SNX14: variants seen among roughly 807,000 people sequenced by gnomAD.
The protein encoded by SNX14 is sorting nexin-14.
A neutral mutation model predicts 133.8 loss-of-function variants in SNX14; 93 were observed. That is an observed-to-expected ratio of 0.70 (90% CI 0.59 to 0.83). The LOEUF (loss-of-function observed/expected upper bound fraction) is 0.83, where lower values mean the gene tolerates loss of function less well. Among genes scored for constraint, SNX14 ranks in the 40% least tolerant of loss-of-function variants. The pLI is 0.00. For missense variants in SNX14, 945 were observed against 1,094.9 expected (o/e 0.86, Z 1.93); for synonymous variants, 368 against 365.6 (o/e 1.01, Z -0.07).
intron 1 of SNX14, among the ~76,000 whole-genome samples, chr6:85,586,015 C>T (rs1800727888): frequency 6.7e-6 from 1 of 149,118 alleles, no homozygotes; most frequent in Non-Finnish European, 1.5e-5. Flanking sequence ...AAAACTAAAT[C>T]TAATTGAGCC....
At chr6:85,545,421 T>C (rs1785150504) in intron 12 of SNX14, among the ~76,000 whole-genome samples, 1 of 151,962 alleles carries the variant, frequency 6.6e-6, no homozygotes, top group African/African-American at 2.4e-5. Flanking sequence ...TAGAAATACA[T>C]TAAACATTTC....
chr6:85,593,566 G>C lies in SNX14; in HGVS notation c.140+13C>G. The C allele has an allele frequency of 6.2e-7, 1 of 1,603,810 alleles. No individual in the cohort carries two copies. The highest frequency in any genetic ancestry group is 2.2e-5 in the East Asian group (1 of 44,548). On this transcript the variant is annotated intron_variant, in intron 1 of 28. Coordinates refer to ENST00000314673, the MANE Select transcript of SNX14 (RefSeq NM_153816.6). The stretch of plus-strand genomic sequence containing the variant: ...AGAAAAGCCGCCGCCCAGGCTCCGC[G>C]CTGCGGCGTTACCTGTTAAGAAGCA...
At chr6:85,524,713 G>A (rs980531540) in intron 21 of SNX14, among the ~76,000 whole-genome samples, 3 of 151,684 alleles carry the variant, frequency 2.0e-5, no homozygotes, top group African/African-American at 7.3e-5. Context: ...GAACCTGGGA[G>A]GTGGAGGCTG....
chr6:85,512,784 G>A (rs909491070), intron 26 of SNX14, among the ~76,000 whole-genome samples: 1 of 152,174 alleles, frequency 6.6e-6, no homozygotes, highest in East Asian at 1.9e-4. Context: ...GAGTTCACGG[G>A]TTTCTGCTGC....
At chr6:85,587,681 C>T (rs1169863625) in intron 1 of SNX14, among the ~76,000 whole-genome samples, 3 of 152,036 alleles carry the variant, frequency 2.0e-5, no homozygotes, top group Non-Finnish European at 2.9e-5. Context: ...AGGCTGGTCT[C>T]GAACTTCTGG....
At chr6:85,562,582 CTTTTTTTTTTTTT>C (rs201175458) in intron 6 of SNX14, among the ~76,000 whole-genome samples, 1 of 94,846 alleles carries the variant, frequency 1.1e-5, no homozygotes. Context: ...ACTTTTTGGG[CTTTTTTTTTTTTT>C]TTTTTTTTTG....
intron 6 of SNX14, 98 bp downstream of exon 6, chr6:85,565,234 T>C (rs536157784): frequency 1.5e-6 from 1 of 668,020 alleles, no homozygotes; most frequent in East Asian, 2.8e-5. Flanking sequence ...ACCCCACAAA[T>C]ATGTACATTT....
chr6:85,562,435 A>G (rs1397558384), intron 6 of SNX14, among the ~76,000 whole-genome samples: 1 of 152,188 alleles, frequency 6.6e-6, no homozygotes, highest in African/African-American at 2.4e-5. Context: ...ATTATTCTAC[A>G]AAATGATTGT....
intron 6 of SNX14, among the ~76,000 whole-genome samples, chr6:85,564,280 T>A (rs2128162471): frequency 6.6e-6 from 1 of 152,346 alleles, no homozygotes; most frequent in African/African-American, 2.4e-5. Context: ...CCTTTGGGTA[T>A]ATACCCAGTA....
Position 85,547,585 on chromosome 6 carries a change from TCCACTA to T in SNX14, c.868-41_868-36del, listed in dbSNP as rs750475217. 416 of 1,487,868 alleles carry T rather than the reference TCCACTA, an allele frequency of 2.8e-4. No homozygotes were observed. In the African/African-American group the frequency reaches 5.4e-3, roughly 19 times the overall value. The allele number at this position is 1,487,868 out of a possible 1,614,324, so 92.2% of individuals were successfully genotyped here. On this transcript the variant is annotated intron_variant, in intron 9 of 28. Coordinates refer to ENST00000314673, the MANE Select transcript of SNX14 (RefSeq NM_153816.6). ...AATAATAAACATAAGTCAAAATAAT[TCCACTA>T]CTGTATTCTCCCCAGAATTCTCATA...
At chr6:85,586,445 A>T (rs576800906) in intron 1 of SNX14, among the ~76,000 whole-genome samples, 1 of 152,342 alleles carries the variant, frequency 6.6e-6, no homozygotes, top group Non-Finnish European at 1.5e-5. Context: ...ACTTGTTTAG[A>T]TACCAATTAG....
intron 12 of SNX14, among the ~76,000 whole-genome samples, 187 bp downstream of exon 12, chr6:85,546,925 C>T (rs1411452409): frequency 6.9e-6 from 1 of 145,592 alleles, no homozygotes; most frequent in Non-Finnish European, 1.5e-5. Context: ...CACACCATTG[C>T]ACTCCAGCCT....
rs186347619 is a variant in SNX14 at position 85,572,262 on chromosome 6, T to C, written c.338+36A>G. The C allele has an allele frequency of 2.2e-4, 356 of 1,609,536 alleles. 1 individual carries two copies. In the African/African-American group the frequency reaches 4.2e-3, roughly 19 times the overall value. ...AAATCACTTGAAATCCAAATGTAAT[T>C]AGAAGGATCAACAAATAAAAAAATA... On this transcript the variant is annotated intron_variant, in intron 3 of 28. Coordinates refer to ENST00000314673, the MANE Select transcript of SNX14 (RefSeq NM_153816.6).
chr6:85,574,470 C>T (rs1243183131), intron 1 of SNX14, 92 bp from the exon 2 acceptor site: 8 of 832,696 alleles, frequency 9.6e-6, no homozygotes, highest in Non-Finnish European at 1.4e-5. Flanking sequence ...TCATTAAGCA[C>T]CTACAATATC....
chr6:85,519,103 A>T (rs1359261747), intron 21 of SNX14, among the ~76,000 whole-genome samples: 1 of 152,194 alleles, frequency 6.6e-6, no homozygotes, highest in African/African-American at 2.4e-5. Context: ...TTCTTCTTCA[A>T]TCAAACCTAG....
chr6:85,593,451 C>T lies in SNX14; in HGVS notation c.140+128G>A, dbSNP rs374317722. The stretch of plus-strand genomic sequence containing the variant: ...CGTGCTCCCCGAGGCCGCTCCTCTG[C>T]GGAGCTCGCTCTCCCCACTGGTCCC... On this transcript the variant is annotated intron_variant, in intron 1 of 28. Coordinates refer to ENST00000314673, the MANE Select transcript of SNX14 (RefSeq NM_153816.6). 64 of 1,382,034 alleles carry T rather than the reference C, an allele frequency of 4.6e-5. No homozygotes were observed. In the African/African-American group the frequency reaches 8.4e-4, roughly 18 times the overall value. 85.6% of individuals were successfully genotyped at this position (1,382,034 alleles called of 1,614,324 possible). A position where few individuals can be genotyped will look rare whatever the true frequency, so the allele number is the denominator to read the frequency against.
intron 7 of SNX14, among the ~76,000 whole-genome samples, chr6:85,557,648 T>C (rs1790191809): frequency 6.6e-6 from 1 of 152,096 alleles, no homozygotes; most frequent in African/African-American, 2.4e-5. Context: ...CTTGTAGCAA[T>C]ATAAAGGATG....
chr6:85,550,354 A>G (rs535234777), intron 7 of SNX14, among the ~76,000 whole-genome samples: 15 of 152,326 alleles, frequency 9.8e-5, no homozygotes, highest in Middle Eastern at 3.4e-3. Context: ...CAAGTTATAT[A>G]AAATAATAGC....
intron 16 of SNX14, 45 bp from the exon 17 acceptor site, chr6:85,536,969 C>A: frequency 6.4e-7 from 1 of 1,553,398 alleles, no homozygotes; most frequent in Non-Finnish European, 8.7e-7. Flanking sequence ...CAAATTATCA[C>A]AACAGTCTAG....
Sources: gnomAD v4.1 joint callset for allele counts (sites outside exome capture counted in the v4.1 genomes callset) on GRCh38, gnomAD v4.1.1 for gene constraint, MANE v1.5 for transcripts, NCBI Gene and HGNC (gene_info 2026-07-23, HGNC 2026-07-21) for gene names.